LRRIQ3: variants seen among roughly 807,000 people sequenced by gnomAD.
LRRIQ3 encodes the protein leucine-rich repeat and IQ domain-containing protein 3.
LRRIQ3 carries 75 observed loss-of-function variants against 59.3 expected under a neutral mutation model. That is an observed-to-expected ratio of 1.26 (90% CI 1.05 to 1.53). The LOEUF (loss-of-function observed/expected upper bound fraction) is 1.53, where lower values mean the gene tolerates loss of function less well. Ranked by LOEUF, LRRIQ3 falls within the 40% of genes most tolerant of loss-of-function variation. The pLI is 0.00. For missense variants in LRRIQ3, 831 were observed against 710.0 expected (o/e 1.17, Z -1.94); for synonymous variants, 250 against 231.3 (o/e 1.08, Z -0.73).
intron 6 of LRRIQ3, among the ~76,000 whole-genome samples, chr1:74,049,946 C>T (rs527487397): frequency 4.4e-4 from 58 of 133,038 alleles, no homozygotes; most frequent in African/African-American, 3.1e-4. Context: ...TTTTTTGAGA[C>T]GGAGTCTCAC....
chr1:74,056,014 G>A (rs940263001), intron 6 of LRRIQ3, among the ~76,000 whole-genome samples: 7 of 151,434 alleles, frequency 4.6e-5, no homozygotes, highest in African/African-American at 9.7e-5. Flanking sequence ...GTGTGGTGGT[G>A]GGTGCCTGTA....
chr1:74,080,538 C>T (rs1367171567), intron 5 of LRRIQ3, among the ~76,000 whole-genome samples: 1 of 151,696 alleles, frequency 6.6e-6, no homozygotes, highest in South Asian at 2.1e-4. Flanking sequence ...TTACACTGAA[C>T]TCTGCTGTCT....
chr1:74,030,381 C>A (rs1035511734), intron 7 of LRRIQ3, among the ~76,000 whole-genome samples: 1 of 152,064 alleles, frequency 6.6e-6, no homozygotes, highest in Non-Finnish European at 1.5e-5. Context: ...CTACAGTAAC[C>A]AAAACAGCAT....
At position 74,026,626 on chromosome 1, in the gene LRRIQ3, A is replaced by C. The variant is rs1198649227; in HGVS notation, c.*187T>G. On this transcript the variant is annotated 3_prime_UTR_variant, in exon 8 of 8. Transcript: ENST00000354431. ...AGAAATTTTTCAGAGGTGCTAAGTCAACTTTAAGTTAAATTATGACCAATA... is the reference window on the plus strand; with the variant it reads ...AGAAATTTTTCAGAGGTGCTAAGTCCACTTTAAGTTAAATTATGACCAATA... 1 of 492,144 alleles carries C rather than the reference A, an allele frequency of 2.0e-6. No homozygotes were observed. The highest frequency in any genetic ancestry group is 3.4e-6 in the Non-Finnish European group (1 of 294,222). The allele number at this position is 492,144 out of a possible 1,614,324, so 30.5% of individuals were successfully genotyped here.
At chr1:74,080,122 A>G (rs1337962849) in intron 5 of LRRIQ3, among the ~76,000 whole-genome samples, 1 of 151,728 alleles carries the variant, frequency 6.6e-6, no homozygotes, top group Non-Finnish European at 1.5e-5. Flanking sequence ...TTATATCTTT[A>G]GTCAGATACA....
At chr1:74,116,121 G>T (rs2100575774) in intron 4 of LRRIQ3, among the ~76,000 whole-genome samples, 1 of 151,932 alleles carries the variant, frequency 6.6e-6, no homozygotes, top group East Asian at 1.9e-4. Flanking sequence ...CAATAAAACA[G>T]AAGAATTCTC....
At chr1:74,044,214 G>T (rs1654131585) in intron 6 of LRRIQ3, among the ~76,000 whole-genome samples, 1 of 152,000 alleles carries the variant, frequency 6.6e-6, no homozygotes, top group Admixed American at 6.6e-5. Flanking sequence ...TGCACAGTTT[G>T]GTTTGTGCAG....
chr1:74,099,444 T>C (rs1324231649), intron 5 of LRRIQ3, among the ~76,000 whole-genome samples: 5 of 151,956 alleles, frequency 3.3e-5, no homozygotes, highest in Non-Finnish European at 7.4e-5. Flanking sequence ...TGTCAAGGAC[T>C]AGATGGATTC....
intron 6 of LRRIQ3, among the ~76,000 whole-genome samples, chr1:74,044,330 CT>C (rs1654136512): frequency 1.3e-5 from 2 of 152,162 alleles, no homozygotes; most frequent in South Asian, 4.1e-4. Context: ...GGGTAGACCC[CT>C]CATGAGTGGC....
intron 3 of LRRIQ3, among the ~76,000 whole-genome samples, chr1:74,164,434 TGA>T (rs1557648309): frequency 3.3e-5 from 5 of 151,504 alleles, no homozygotes; most frequent in African/African-American, 4.8e-5. Context: ...TACAAGCCAA[TGA>T]GAGAGTCTTC....
Position 74,041,744 on chromosome 1 carries a change from T to G in LRRIQ3, c.1187A>C (p.Lys396Thr). ...YTTHPKPIIKKDIRLERSMKE... is the reference protein window; with the variant it reads ...YTTHPKPIIKTDIRLERSMKE... The stretch of plus-strand genomic sequence containing the variant: ...CATACTCCGCTCCAATCGTATGTCT[T>G]TTTTAATGATTGGCTTTGGATGAGT... Residue 396 changes from lysine (K) to threonine (T), a missense_variant, in exon 7 of 8, where the codon AAA (lysine) becomes ACA (threonine). By Grantham distance (78) the Lys-to-Thr change is moderately conservative. Coordinates refer to ENST00000354431, the MANE Select transcript of LRRIQ3 (RefSeq NM_001105659.2). 1 of 1,613,758 alleles carries G rather than the reference T, an allele frequency of 6.2e-7. No individual in the cohort carries two copies.
At chr1:74,068,816 T>C (rs1654940088) in intron 6 of LRRIQ3, among the ~76,000 whole-genome samples, 1 of 151,030 alleles carries the variant, frequency 6.6e-6, no homozygotes, top group Non-Finnish European at 1.5e-5. Context: ...CAGCAAACAA[T>C]TTAGGAGAAT....
chr1:74,146,592 A>G (rs1647586268), intron 4 of LRRIQ3, among the ~76,000 whole-genome samples: 1 of 152,240 alleles, frequency 6.6e-6, no homozygotes, highest in South Asian at 2.1e-4. Context: ...TTAAGAAATA[A>G]TATTTCCCAA....
At chr1:74,136,758 T>G (rs1647131039) in intron 4 of LRRIQ3, among the ~76,000 whole-genome samples, 1 of 151,960 alleles carries the variant, frequency 6.6e-6, no homozygotes, top group African/African-American at 2.4e-5. Context: ...AATGCAAAAT[T>G]TCCTTAGCAT....
intron 4 of LRRIQ3, among the ~76,000 whole-genome samples, chr1:74,139,894 AT>A (rs1647200075): frequency 6.6e-6 from 1 of 151,928 alleles, no homozygotes; most frequent in South Asian, 2.1e-4. Flanking sequence ...AGCATATTTT[AT>A]TTGCTAGGAT....
intron 5 of LRRIQ3, among the ~76,000 whole-genome samples, chr1:74,077,973 C>T (rs549057347): frequency 6.6e-6 from 1 of 151,852 alleles, no homozygotes; most frequent in African/African-American, 2.4e-5. Flanking sequence ...AGACTTAACA[C>T]TGGTCCTCAA....
chr1:74,065,696 A>C (rs929345562), intron 6 of LRRIQ3, among the ~76,000 whole-genome samples: 3 of 152,118 alleles, frequency 2.0e-5, no homozygotes, highest in Middle Eastern at 3.2e-3. Context: ...TAGCTCTTTC[A>C]GTCTAAATAT....
intron 4 of LRRIQ3, among the ~76,000 whole-genome samples, chr1:74,112,519 T>C (rs1348173303): frequency 6.6e-6 from 1 of 152,036 alleles, no homozygotes; most frequent in African/African-American, 2.4e-5. Flanking sequence ...CAACATAAAA[T>C]GAATCAGACA....
intron 7 of LRRIQ3, among the ~76,000 whole-genome samples, chr1:74,036,389 C>A (rs1653873534): frequency 6.6e-6 from 1 of 152,094 alleles, no homozygotes; most frequent in Non-Finnish European, 1.5e-5. Context: ...ATACCCTTTT[C>A]TTTTTGTTCC....
Sources: gnomAD v4.1 joint callset for allele counts (sites outside exome capture counted in the v4.1 genomes callset) on GRCh38, gnomAD v4.1.1 for gene constraint, MANE v1.5 for transcripts, NCBI Gene and HGNC (gene_info 2026-07-23, HGNC 2026-07-21) for gene names.